The following ADPGK variants were observed in gnomAD, a reference collection of about 807,000 sequenced individuals.
The protein encoded by ADPGK is ADP dependent glucokinase.
A neutral mutation model predicts 42.4 loss-of-function variants in ADPGK; 26 were observed. The observed-to-expected ratio is 0.61, with a 90% confidence interval of 0.45 to 0.85. The LOEUF is 0.85. Ranked by LOEUF, ADPGK falls within the 40% of genes least tolerant of loss-of-function variation. ADPGK has a pLI of 0.00. For missense variants in ADPGK, 571 were observed against 627.0 expected (o/e 0.91, Z 0.95); for synonymous variants, 267 against 252.6 (o/e 1.06, Z -0.54).
chr15:72,773,477 T>C (rs1416536279), intron 2 of ADPGK, among the ~76,000 whole-genome samples: 2 of 152,214 alleles, frequency 1.3e-5, no homozygotes, highest in Non-Finnish European at 2.9e-5. Flanking sequence ...TTTCATATAA[T>C]GTTTATCAAC....
At chr15:72,755,530 G>T (rs2066099949) in intron 6 of ADPGK, 26 bp downstream of exon 6, 1 of 1,571,490 alleles carries the variant, frequency 6.4e-7, no homozygotes, top group Admixed American at 1.7e-5. Context: ...GAGGATCAGG[G>T]CCAAACGATG....
chr15:72,781,143 C>T (rs1325133008), intron 1 of ADPGK, among the ~76,000 whole-genome samples: 1 of 152,162 alleles, frequency 6.6e-6, no homozygotes, highest in African/African-American at 2.4e-5. Context: ...CCTCCTATAT[C>T]CCCCTATCTT....
At chr15:72,759,447 T>C (rs1467085138) in intron 4 of ADPGK, among the ~76,000 whole-genome samples, 1 of 152,208 alleles carries the variant, frequency 6.6e-6, no homozygotes, top group South Asian at 2.1e-4. Context: ...CCTTCTTTAA[T>C]TCCCAACTGA....
At chr15:72,753,490 C>T (rs1159047099) in intron 6 of ADPGK, among the ~76,000 whole-genome samples, 1 of 152,168 alleles carries the variant, frequency 6.6e-6, no homozygotes, top group Admixed American at 6.5e-5. Flanking sequence ...GATGGGGAAC[C>T]ACAATATCCA....
intron 4 of ADPGK, among the ~76,000 whole-genome samples, chr15:72,759,295 C>A (rs188000032): frequency 4.6e-5 from 7 of 152,310 alleles, no homozygotes; most frequent in African/African-American, 1.7e-4. Flanking sequence ...ATCTCTTAAT[C>A]CTTACCACAA....
intron 3 of ADPGK, among the ~76,000 whole-genome samples, chr15:72,765,867 G>A (rs757659141): frequency 1.2e-4 from 19 of 152,342 alleles, no homozygotes; most frequent in Non-Finnish European, 1.6e-4. Context: ...TTCTAGTAAA[G>A]ATGTTATGAA....
At chr15:72,767,304 T>C (rs965596266) in intron 3 of ADPGK, among the ~76,000 whole-genome samples, 1 of 149,692 alleles carries the variant, frequency 6.7e-6, no homozygotes, top group Admixed American at 6.7e-5. Flanking sequence ...GTTACAGAAC[T>C]ATAAAGGAAA....
intron 1 of ADPGK, chr15:72,783,201 T>C: frequency 8.2e-7 from 1 of 1,219,554 alleles, no homozygotes; most frequent in African/African-American, 1.6e-5. Flanking sequence ...GAGAAAGGTG[T>C]CAGACAAAGC....
intron 1 of ADPGK, among the ~76,000 whole-genome samples, chr15:72,775,682 T>C (rs915226215): frequency 2.6e-5 from 4 of 152,222 alleles, no homozygotes; most frequent in Non-Finnish European, 2.9e-5. Context: ...CCTAAATGCC[T>C]GAGTACTCCC....
chr15:72,781,724 G>A (rs1318622585), intron 1 of ADPGK, among the ~76,000 whole-genome samples: 5 of 152,152 alleles, frequency 3.3e-5, no homozygotes, highest in Non-Finnish European at 7.3e-5. Context: ...CCTGGTCCTC[G>A]TGGGTTGTTC....
intron 3 of ADPGK, among the ~76,000 whole-genome samples, chr15:72,770,708 T>C (rs1003243079): frequency 1.3e-5 from 2 of 152,250 alleles, no homozygotes; most frequent in African/African-American, 4.8e-5. Context: ...TCTACCCTAA[T>C]ATTTCATGAG....
chr15:72,772,948 T>C (rs1216017941), intron 2 of ADPGK, among the ~76,000 whole-genome samples: 1 of 152,086 alleles, frequency 6.6e-6, no homozygotes, highest in Non-Finnish European at 1.5e-5. Flanking sequence ...AGCCTGATAG[T>C]GTTACCTGGG....
chr15:72,752,619 C>G lies in ADPGK; in HGVS notation c.1216G>C (p.Gly406Arg). 6.2e-7 allele frequency: 1 copy of G among 1,614,258 alleles called. No homozygotes were observed. The highest frequency in any genetic ancestry group is 8.5e-7 in the Non-Finnish European group (1 of 1,180,048). Reference sequence around the variant, plus strand: ...GCCTGTGTCCCAGCCACACGAGCTCCTGCAGCCACGGCTGCCAGCTGGTTG... The same window carrying G: ...GCCTGTGTCCCAGCCACACGAGCTCGTGCAGCCACGGCTGCCAGCTGGTTG... ...WANQLAAVAAGARVAGTQACA... is the reference protein window; with the variant it reads ...WANQLAAVAARARVAGTQACA... Residue 406 changes from glycine to arginine, a missense_variant, in exon 7 of 7, where the codon GGA becomes CGA. Coordinates refer to ENST00000456471, the MANE Select transcript of ADPGK (RefSeq NM_001365225.1).
At chr15:72,763,069 ATT>A (rs1224822354) in intron 3 of ADPGK, among the ~76,000 whole-genome samples, 1 of 152,246 alleles carries the variant, frequency 6.6e-6, no homozygotes, top group Non-Finnish European at 1.5e-5. Context: ...ACCTGAAAGA[ATT>A]TATCACCAGC....
chr15:72,775,097 T>A lies in ADPGK; in HGVS notation c.234A>T (p.Gly78=). The change falls in exon 2 of 7, where the codon GGA becomes GGT. Residue 78 remains glycine (G), a splice_region_variant and synonymous_variant. Coordinates refer to ENST00000456471, the MANE Select transcript of ADPGK (RefSeq NM_001365225.1). ...GCACCACATCAACACATGCATTGAC[T>A]CTAGAAGGAGGAAAAAAACTGTGTG... ...PVRRWRRVAV[G]VNACVDVVLS... 1 of 1,613,542 alleles carries A rather than the reference T, an allele frequency of 6.2e-7. No homozygotes were observed. The highest frequency in any genetic ancestry group is 8.5e-7 in the Non-Finnish European group (1 of 1,179,642).
intron 6 of ADPGK, among the ~76,000 whole-genome samples, chr15:72,753,933 T>C (rs2066078914): frequency 6.6e-6 from 1 of 152,086 alleles, no homozygotes; most frequent in Non-Finnish European, 1.5e-5. Context: ...ATGACGTGCC[T>C]GTGTAGGCTC....
intron 4 of ADPGK, chr15:72,756,868 A>G (rs1178134046): frequency 1.8e-5 from 3 of 163,280 alleles, no homozygotes; most frequent in Non-Finnish European, 4.0e-5. Flanking sequence ...CATTGCCCTG[A>G]GCATCTTTCA....
At chr15:72,763,433 C>T (rs1291366075) in intron 3 of ADPGK, among the ~76,000 whole-genome samples, 3 of 151,938 alleles carry the variant, frequency 2.0e-5, no homozygotes, top group East Asian at 1.9e-4. Context: ...ATGATCTGCC[C>T]GTCTTGGCCT....
Position 72,783,670 on chromosome 15 carries a change from C to T in ADPGK, c.22G>A (p.Ala8Thr), listed in dbSNP as rs774221959. The T allele has an allele frequency of 2.7e-6, 4 of 1,503,188 alleles. No individual in the cohort carries two copies. In the South Asian group the frequency reaches 5.0e-5, roughly 19 times the overall value. 93.1% of individuals were successfully genotyped at this position (1,503,188 alleles called of 1,614,324 possible). ...GCCAGCGCCAGGAAGCCCGCGTACG[C>T]GGAGCCGCGCCACAGCGCCATGGGG... MALWRGS[A>T]YAGFLALAVG... Residue 8 changes from alanine (A) to threonine (T), a missense_variant, in exon 1 of 7, where the codon GCG (alanine) becomes ACG (threonine). Transcript: ENST00000456471.
Sources: gnomAD v4.1 joint callset for allele counts (sites outside exome capture counted in the v4.1 genomes callset) on GRCh38, gnomAD v4.1.1 for gene constraint, MANE v1.5 for transcripts, NCBI Gene and HGNC (gene_info 2026-07-23, HGNC 2026-07-21) for gene names.